ADAMTS18: variants seen among roughly 807,000 people sequenced by gnomAD.
The protein encoded by ADAMTS18 is A disintegrin and metalloproteinase with thrombospondin motifs 18.
A neutral mutation model predicts 165.9 loss-of-function variants in ADAMTS18; 157 were observed. The observed-to-expected ratio is 0.95, with a 90% CI of 0.83 to 1.08. The LOEUF (loss-of-function observed/expected upper bound fraction) is 1.08, where lower values mean the gene tolerates loss of function less well. Among genes scored for constraint, ADAMTS18 ranks in the 50% least tolerant of loss-of-function variants. The pLI is 0.00. For synonymous variants in ADAMTS18, 782 were observed against 578.2 expected (o/e 1.35, Z -5.06); for missense variants, 2,040 against 1,534.0 (o/e 1.33, Z -5.51).
intron 13 of ADAMTS18, among the ~76,000 whole-genome samples, chr16:77,323,629 G>T (rs543563766): frequency 6.6e-6 from 1 of 151,480 alleles, no homozygotes; most frequent in African/African-American, 2.4e-5. Flanking sequence ...GAGGAAAGAC[G>T]GGAAAAAACC....
chr16:77,411,438 A>G (rs1236502769), intron 3 of ADAMTS18, among the ~76,000 whole-genome samples: 1 of 152,148 alleles, frequency 6.6e-6, no homozygotes, highest in Admixed American at 6.5e-5. Context: ...GAGTCAGTAG[A>G]TAGACTTGGA....
intron 16 of ADAMTS18, among the ~76,000 whole-genome samples, chr16:77,311,144 G>A (rs913274376): frequency 6.6e-6 from 1 of 152,176 alleles, no homozygotes; most frequent in Non-Finnish European, 1.5e-5. Flanking sequence ...ATCCTCACGT[G>A]TTGTGGAAAA....
rs538766929 is a variant in ADAMTS18 at position 77,383,466 on chromosome 16, T to C, written c.496-15743A>G. On this transcript the variant is annotated intron_variant, in intron 3 of 22. Transcript: ENST00000282849. Reference sequence around the variant, plus strand: ...AAGTTCCCATCTCAGATTTTTTTCATTTGCTGTTTCCTGTGCCTAGAATGC... The same window carrying C: ...AAGTTCCCATCTCAGATTTTTTTCACTTGCTGTTTCCTGTGCCTAGAATGC... 1.1e-3 allele frequency among the ~76,000 whole-genome samples: 160 copies of C among 152,220 alleles called. 1 individual carries two copies. Among genetic ancestry groups the C allele is most frequent in the Middle Eastern group, 3.4e-3 (1 of 294 alleles).
chr16:77,288,979 G>A (rs1460764556), intron 22 of ADAMTS18, among the ~76,000 whole-genome samples: 1 of 152,190 alleles, frequency 6.6e-6, no homozygotes, highest in East Asian at 1.9e-4. Context: ...CAGCTACTCA[G>A]GAGGCTGAGG....
At chr16:77,404,509 A>T (rs889963466) in intron 3 of ADAMTS18, among the ~76,000 whole-genome samples, 2 of 152,174 alleles carry the variant, frequency 1.3e-5, no homozygotes, top group Non-Finnish European at 2.9e-5. Context: ...AATCTTAGAA[A>T]ATTTACTATG....
rs550354070 is a variant in ADAMTS18 at position 77,282,960 on chromosome 16, T to TATCA, written c.*992_*995dup. 3 of 137,106 alleles carry TATCA rather than the reference T, an allele frequency of 2.2e-5. No individual in the cohort carries two copies. Among genetic ancestry groups the TATCA allele is most frequent in the Non-Finnish European group, 4.6e-5 (3 of 64,910 alleles). The allele number at this position is 137,106 out of a possible 1,614,324, so 8.5% of individuals were successfully genotyped here. On this transcript the variant is annotated 3_prime_UTR_variant, in exon 23 of 23. Transcript: ENST00000282849. ...CTCAATCCTAGGGCAAATTTAAACGTATCAGTTGGTAGGAAAAAGCCACAA... is the reference window on the plus strand; with the variant it reads ...CTCAATCCTAGGGCAAATTTAAACGTATCAATCAGTTGGTAGGAAAAAGCCACAA...
chr16:77,375,426 G>C (rs1475156991), intron 3 of ADAMTS18, among the ~76,000 whole-genome samples: 1 of 152,132 alleles, frequency 6.6e-6, no homozygotes. Context: ...AGTTCCATGA[G>C]ATAAAATAAT....
chr16:77,326,506 C>T (rs554436082), intron 12 of ADAMTS18, among the ~76,000 whole-genome samples: 2 of 152,240 alleles, frequency 1.3e-5, no homozygotes, highest in South Asian at 2.1e-4. Flanking sequence ...CCTCAGCCTC[C>T]CAAGTAGCTG....
intron 3 of ADAMTS18, among the ~76,000 whole-genome samples, chr16:77,419,314 A>C (rs1017628988): frequency 1.6e-4 from 25 of 152,140 alleles, no homozygotes; most frequent in Admixed American, 4.6e-4. Context: ...GGCTGTTGGC[A>C]GAATTCACTT....
At chr16:77,325,726 A>C (rs1209636232) in intron 13 of ADAMTS18, 140 bp downstream of exon 13, 5 of 858,836 alleles carry the variant, frequency 5.8e-6, no homozygotes, top group East Asian at 5.3e-5. Context: ...CCATGGAATG[A>C]AACACTGAGC....
chr16:77,410,974 G>A (rs1348520033), intron 3 of ADAMTS18, among the ~76,000 whole-genome samples: 4 of 152,130 alleles, frequency 2.6e-5, no homozygotes, highest in Non-Finnish European at 5.9e-5. Flanking sequence ...AGTTTTGGAA[G>A]ACCATTACAT....
intron 12 of ADAMTS18, among the ~76,000 whole-genome samples, chr16:77,331,876 T>C (rs1263773065): frequency 1.3e-5 from 2 of 152,220 alleles, no homozygotes; most frequent in East Asian, 3.9e-4. Flanking sequence ...AAACTCTGCT[T>C]TATATTTTGG....
Position 77,335,737 on chromosome 16 carries a change from C to G in ADAMTS18, c.1859+19G>C. 6.2e-7 allele frequency: 1 copy of G among 1,614,192 alleles called. No homozygotes were observed. On this transcript the variant is annotated intron_variant, in intron 12 of 22. Transcript: ENST00000282849. ...AAGGTTAAGGCCTTGCAAAGACTAA[C>G]TTTCTGCTGGAGGCTTACTTGGGGT...
At chr16:77,304,392 T>G (rs929990579) in intron 16 of ADAMTS18, among the ~76,000 whole-genome samples, 1 of 151,958 alleles carries the variant, frequency 6.6e-6, no homozygotes, top group African/African-American at 2.4e-5. Context: ...GCTCAGGAGT[T>G]GGAAGCTGCA....
chr16:77,356,080 G>A lies in ADAMTS18; in HGVS notation c.1323-3C>T, dbSNP rs1402523275. The A allele has an allele frequency of 6.2e-7, 1 of 1,614,002 alleles. No individual in the cohort carries two copies. Among genetic ancestry groups the A allele is most frequent in the African/African-American group, 1.3e-5 (1 of 75,040 alleles). ...CTCCATCGTGAATCATACCAAAGCTGAAACAGAATGAAGAAAACAAAATCC... is the reference window on the plus strand; with the variant it reads ...CTCCATCGTGAATCATACCAAAGCTAAAACAGAATGAAGAAAACAAAATCC... On this transcript the variant is annotated splice_region_variant and splice_polypyrimidine_tract_variant and intron_variant, in intron 8 of 22. Transcript: ENST00000282849.
At chr16:77,333,631 A>C (rs2056227191) in intron 12 of ADAMTS18, among the ~76,000 whole-genome samples, 1 of 151,682 alleles carries the variant, frequency 6.6e-6, no homozygotes, top group African/African-American at 2.4e-5. Context: ...GTGTATAGAG[A>C]TATCTGTATT....
intron 3 of ADAMTS18, among the ~76,000 whole-genome samples, chr16:77,401,098 A>C (rs995236617): frequency 3.9e-5 from 6 of 152,050 alleles, no homozygotes; most frequent in Non-Finnish European, 7.4e-5. Context: ...TCTACTAAAA[A>C]TACAAAATTA....
At chr16:77,341,310 T>G (rs2056393829) in intron 11 of ADAMTS18, among the ~76,000 whole-genome samples, 1 of 151,996 alleles carries the variant, frequency 6.6e-6, no homozygotes, top group Non-Finnish European at 1.5e-5. Context: ...CTCCTGTGAG[T>G]TGAGCTGAGT....
intron 3 of ADAMTS18, among the ~76,000 whole-genome samples, chr16:77,428,355 G>C (rs984055254): frequency 1.3e-5 from 2 of 152,194 alleles, no homozygotes; most frequent in Non-Finnish European, 2.9e-5. Flanking sequence ...AATTTCAGAG[G>C]AGTTATGAAC....
Sources: allele counts gnomAD v4.1 joint callset (sites outside exome capture counted in the v4.1 genomes callset), GRCh38; gene constraint gnomAD v4.1.1; transcripts MANE v1.5; gene names NCBI Gene and HGNC (gene_info 2026-07-23, HGNC 2026-07-21).